Variants in NRG3 observed in about 807,000 individuals in gnomAD.
The protein encoded by NRG3 is pro-neuregulin-3, membrane-bound isoform.
NRG3 carries 31 observed loss-of-function variants against 66.9 expected under a neutral mutation model. The ratio of observed to expected loss-of-function variants is 0.46; its 90% confidence interval spans 0.35 to 0.63. The LOEUF (loss-of-function observed/expected upper bound fraction) is 0.63, where lower values mean the gene tolerates loss of function less well. Ranked by LOEUF, NRG3 falls within the 20% of genes least tolerant of loss-of-function variation. The probability of loss-of-function intolerance (pLI) is 0.00; values close to 1 mark genes in which losing one functional copy is unlikely to be tolerated. For missense variants in NRG3, 910 were observed against 878.9 expected, an observed-to-expected ratio of 1.04 and a Z score of -0.45; for synonymous variants, 393 against 359.4, an observed-to-expected ratio of 1.09 and a Z score of -1.06.
rs369209538 is a variant in NRG3, at chr10:82,767,182, C to T, written c.1027+28532C>T. On this transcript the variant is annotated intron_variant, in intron 3 of 8. Coordinates refer to ENST00000372141, the MANE Select transcript of NRG3 (RefSeq NM_001010848.4). ...CTCTATTAATTCTCTCCCTCCAATACTCACAGTGACCAGTTATTTCACCTT... is the reference window on the plus strand; with the variant it reads ...CTCTATTAATTCTCTCCCTCCAATATTCACAGTGACCAGTTATTTCACCTT... 2.0e-5 allele frequency among the ~76,000 whole-genome samples: 3 copies of T among 152,056 alleles called. No homozygotes were observed. The South Asian group carries it at 6.2e-4, about 32-fold the overall frequency.
At chr10:82,384,744 A>G (rs1286738499) in intron 2 of NRG3, among the ~76,000 whole-genome samples, 1 of 152,124 alleles carries the variant, frequency 6.6e-6, no homozygotes, top group African/African-American at 2.4e-5. Context: ...GAAAATACAC[A>G]TGCTTGTGTC....
chr10:82,815,733 C>G (rs1401332918), intron 3 of NRG3, among the ~76,000 whole-genome samples: 1 of 152,148 alleles, frequency 6.6e-6, no homozygotes, highest in East Asian at 1.9e-4. Context: ...ATTGCTCACA[C>G]CTGCTGGGCT....
intron 1 of NRG3, among the ~76,000 whole-genome samples, chr10:82,006,497 C>A (rs1431017388): frequency 1.3e-5 from 2 of 151,778 alleles, no homozygotes; most frequent in Admixed American, 1.3e-4. Flanking sequence ...ATGCTTTTTT[C>A]TTTTCTGTTT....
chr10:82,288,387 G>T (rs1047659791), intron 1 of NRG3, among the ~76,000 whole-genome samples: 1 of 152,104 alleles, frequency 6.6e-6, no homozygotes, highest in Non-Finnish European at 1.5e-5. Context: ...TGGGAAGGGC[G>T]CAAAGCTCAG....
At chr10:82,687,135 T>C (rs545435272) in intron 2 of NRG3, among the ~76,000 whole-genome samples, 1 of 152,180 alleles carries the variant, frequency 6.6e-6, no homozygotes, top group Non-Finnish European at 1.5e-5. Flanking sequence ...TTAACCACTT[T>C]GGATTTATCT....
chr10:82,706,286 C>T (rs928760919), intron 2 of NRG3, among the ~76,000 whole-genome samples: 6 of 152,094 alleles, frequency 3.9e-5, no homozygotes, highest in South Asian at 2.1e-4. Context: ...TCCAGGGAGA[C>T]GTGTGAAATT....
At chr10:82,013,866 A>T (rs1328759567) in intron 1 of NRG3, among the ~76,000 whole-genome samples, 1 of 151,952 alleles carries the variant, frequency 6.6e-6, no homozygotes, top group East Asian at 1.9e-4. Flanking sequence ...ATTTATTCGT[A>T]TTTTTTTTCT....
At chr10:82,618,049 C>G (rs2048781936) in intron 2 of NRG3, among the ~76,000 whole-genome samples, 2 of 152,170 alleles carry the variant, frequency 1.3e-5, no homozygotes, top group Admixed American at 1.3e-4. Context: ...TGTGGGTCCA[C>G]TGCTTACCCA....
intron 2 of NRG3, among the ~76,000 whole-genome samples, chr10:82,495,771 G>T (rs11194700): frequency 0.057 from 8,464 of 149,610 alleles, 516 homozygotes; most frequent in East Asian, 0.17. Context: ...TCTCTGTCTG[G>T]CTGTGTCTAC....
At chr10:82,270,112 ACT>A (rs2078516269) in intron 1 of NRG3, among the ~76,000 whole-genome samples, 1 of 152,016 alleles carries the variant, frequency 6.6e-6, no homozygotes, top group South Asian at 2.1e-4. Flanking sequence ...CACAGCGTTT[ACT>A]CTCTCTGCTT....
chr10:82,851,761 A>G (rs533922145), intron 3 of NRG3, among the ~76,000 whole-genome samples: 1 of 152,240 alleles, frequency 6.6e-6, no homozygotes, highest in South Asian at 2.1e-4. Flanking sequence ...GAATTTGTTC[A>G]TATGCTTGAT....
At chr10:82,566,369 T>A (rs1231668492) in intron 2 of NRG3, among the ~76,000 whole-genome samples, 2 of 151,954 alleles carry the variant, frequency 1.3e-5, no homozygotes, top group Non-Finnish European at 2.9e-5. Context: ...AGAAAAATGC[T>A]TCGTTATAAT....
intron 1 of NRG3, among the ~76,000 whole-genome samples, chr10:82,131,748 A>G (rs943989155): frequency 2.0e-5 from 3 of 151,880 alleles, no homozygotes; most frequent in Admixed American, 6.6e-5. Flanking sequence ...GATAACTTTA[A>G]TTTCTTTGGT....
At chr10:82,648,541 A>C (rs192191052) in intron 2 of NRG3, among the ~76,000 whole-genome samples, 17 of 152,318 alleles carry the variant, frequency 1.1e-4, no homozygotes, top group Admixed American at 9.2e-4. Flanking sequence ...AATTCTGTGA[A>C]GAAAGTCATT....
At chr10:82,199,402 C>A (rs2074649303) in intron 1 of NRG3, among the ~76,000 whole-genome samples, 1 of 152,082 alleles carries the variant, frequency 6.6e-6, no homozygotes, top group Non-Finnish European at 1.5e-5. Flanking sequence ...CTGCTTAGTT[C>A]AAACATGTTC....
At chr10:82,930,328 G>C (rs945372468) in intron 4 of NRG3, among the ~76,000 whole-genome samples, 4 of 152,212 alleles carry the variant, frequency 2.6e-5, no homozygotes, top group Admixed American at 2.0e-4. Flanking sequence ...GGTTAGCATA[G>C]TGGTGGAATT....
At chr10:82,791,777 C>T (rs1234644809) in intron 3 of NRG3, among the ~76,000 whole-genome samples, 1 of 152,170 alleles carries the variant, frequency 6.6e-6, no homozygotes, top group South Asian at 2.1e-4. Flanking sequence ...GCATCAGCCA[C>T]GTTAAACAAT....
intron 1 of NRG3, among the ~76,000 whole-genome samples, chr10:82,187,702 T>G (rs1210941275): frequency 6.6e-6 from 1 of 152,162 alleles, no homozygotes; most frequent in Admixed American, 6.5e-5. Flanking sequence ...ACCAGATCAC[T>G]GCCAAAGCCC....
At chr10:82,362,079 CAAAAAAAAAAAAAA>C (rs58975630) in intron 2 of NRG3, among the ~76,000 whole-genome samples, 1,630 of 13,968 alleles carry the variant, frequency 0.12, 52 homozygotes, top group Middle Eastern at 0.32. Context: ...AAAGTACATG[CAAAAAAAAAAAAAA>C]AAAAAAAAAA....
Sources: gnomAD v4.1 joint callset for allele counts (sites outside exome capture counted in the v4.1 genomes callset) on GRCh38, gnomAD v4.1.1 for gene constraint, MANE v1.5 for transcripts, NCBI Gene and HGNC (gene_info 2026-07-23, HGNC 2026-07-21) for gene names.